Variants in AUTS2 observed in about 807,000 individuals in gnomAD.
AUTS2 encodes activator of transcription and developmental regulator AUTS2.
A neutral mutation model predicts 112.4 loss-of-function variants in AUTS2; 17 were observed. The observed-to-expected ratio is 0.15, with a 90% CI of 0.10 to 0.23. The LOEUF (loss-of-function observed/expected upper bound fraction) is 0.23. Ranked by LOEUF, AUTS2 falls within the 10% of genes least tolerant of loss-of-function variation. The pLI is 1.00. For missense variants in AUTS2, 1,510 were observed against 1,701.6 expected (o/e 0.89, Z 1.98); for synonymous variants, 751 against 702.7 (o/e 1.07, Z -1.09).
chr7:70,413,678 G>GTTTTC (rs1367630973), intron 4 of AUTS2, among the ~76,000 whole-genome samples: 3 of 151,742 alleles, frequency 2.0e-5, no homozygotes, highest in African/African-American at 7.3e-5. Context: ...GTTTTGTTTT[G>GTTTTC]TTTTGTTTTG....
chr7:70,586,834 C>T (rs937104372), intron 5 of AUTS2, among the ~76,000 whole-genome samples: 3 of 152,208 alleles, frequency 2.0e-5, no homozygotes, highest in African/African-American at 7.2e-5. Flanking sequence ...CTTTATTTTA[C>T]TCTTCCTCCA....
At chr7:70,652,906 T>G (rs1806582006) in intron 5 of AUTS2, among the ~76,000 whole-genome samples, 1 of 152,136 alleles carries the variant, frequency 6.6e-6, no homozygotes. Context: ...ACATACTCTT[T>G]CCTGATATCG....
chr7:69,912,694 C>T (rs1375187205), intron 2 of AUTS2, among the ~76,000 whole-genome samples: 4 of 152,146 alleles, frequency 2.6e-5, no homozygotes, highest in South Asian at 2.1e-4. Flanking sequence ...CATCTCTGTC[C>T]TTGAGCCTAC....
At chr7:70,187,236 G>A (rs1276643814) in intron 4 of AUTS2, among the ~76,000 whole-genome samples, 2 of 152,176 alleles carry the variant, frequency 1.3e-5, no homozygotes, top group South Asian at 2.1e-4. Context: ...TCTTACCGTG[G>A]TGGTCACATT....
chr7:70,700,771 T>C (rs1585533170), intron 6 of AUTS2, among the ~76,000 whole-genome samples: 1 of 152,188 alleles, frequency 6.6e-6, no homozygotes, highest in Admixed American at 6.5e-5. Flanking sequence ...TGGTTTTGGG[T>C]CTGTTTTTAC....
At chr7:70,651,977 C>T (rs1449667753) in intron 5 of AUTS2, among the ~76,000 whole-genome samples, 2 of 152,158 alleles carry the variant, frequency 1.3e-5, no homozygotes, top group East Asian at 3.9e-4. Context: ...TTCTATGTGT[C>T]TGTAAGCAGT....
At chr7:70,089,090 C>G (rs1803771461) in intron 2 of AUTS2, among the ~76,000 whole-genome samples, 1 of 152,102 alleles carries the variant, frequency 6.6e-6, no homozygotes, top group African/African-American at 2.4e-5. Flanking sequence ...GCTGAATGTT[C>G]TATAAATGTC....
intron 5 of AUTS2, among the ~76,000 whole-genome samples, chr7:70,650,760 A>G (rs893755009): frequency 3.9e-5 from 6 of 152,320 alleles, no homozygotes; most frequent in East Asian, 1.9e-4. Context: ...TGTCAATTTT[A>G]TCAGATTCAT....
intron 5 of AUTS2, among the ~76,000 whole-genome samples, chr7:70,690,331 A>G (rs573581359): frequency 6.6e-6 from 1 of 152,362 alleles, no homozygotes; most frequent in East Asian, 1.9e-4. Flanking sequence ...GCATGGTGAC[A>G]TCCTTGCCGA....
chr7:70,580,796 G>C (rs1395630040), intron 5 of AUTS2, among the ~76,000 whole-genome samples: 1 of 152,226 alleles, frequency 6.6e-6, no homozygotes, highest in East Asian at 1.9e-4. Flanking sequence ...GTTTTACGTT[G>C]TGTTTAACAG....
rs184723535 is a variant in AUTS2 at position 70,185,644 on chromosome 7, T to C, written c.660+51073T>C. On this transcript the variant is annotated intron_variant, in intron 4 of 18. Transcript: ENST00000342771. The stretch of plus-strand genomic sequence containing the variant: ...AAAATCAGTCAGTCATGAAGCCATT[T>C]CTTTTCATTCTACTTTTGGAGATCA... Among the ~76,000 whole-genome samples, 4 of 152,364 alleles carry C rather than the reference T, an allele frequency of 2.6e-5. No homozygotes were observed. In the East Asian group the frequency reaches 7.7e-4, roughly 29 times the overall value.
chr7:70,430,583 A>C (rs540882448), intron 4 of AUTS2, among the ~76,000 whole-genome samples: 1 of 152,286 alleles, frequency 6.6e-6, no homozygotes, highest in Non-Finnish European at 1.5e-5. Flanking sequence ...GGAATCTTTA[A>C]GGTCTCCCTT....
intron 2 of AUTS2, among the ~76,000 whole-genome samples, chr7:69,977,419 G>T (rs759306953): frequency 6.6e-6 from 1 of 152,078 alleles, no homozygotes; most frequent in Non-Finnish European, 1.5e-5. Context: ...TGGTGATTTG[G>T]AGTCCTTTGA....
chr7:70,478,694 T>C (rs924531067), intron 5 of AUTS2, among the ~76,000 whole-genome samples: 4 of 151,672 alleles, frequency 2.6e-5, no homozygotes, highest in African/African-American at 7.3e-5. Flanking sequence ...CCCTCCAGCA[T>C]AGAGAAGGGC....
chr7:69,734,040 TGCCA>T (rs1352717725), intron 1 of AUTS2, among the ~76,000 whole-genome samples: 2 of 152,202 alleles, frequency 1.3e-5, no homozygotes, highest in African/African-American at 2.4e-5. Context: ...CTGGTAAGAA[TGCCA>T]GCTTCGCTAA....
At chr7:69,765,115 G>C (rs1170306978) in intron 1 of AUTS2, among the ~76,000 whole-genome samples, 1 of 152,144 alleles carries the variant, frequency 6.6e-6, no homozygotes, top group East Asian at 1.9e-4. Flanking sequence ...TTCTGTTTAG[G>C]CCAGTGTTGG....
At chr7:70,126,384 G>C (rs549368149) in intron 3 of AUTS2, among the ~76,000 whole-genome samples, 35 of 152,190 alleles carry the variant, frequency 2.3e-4, no homozygotes, top group Non-Finnish European at 4.4e-4. Context: ...ACTCCAGCCT[G>C]GGTGACAGAG....
chr7:69,826,021 A>T (rs1010750831), intron 1 of AUTS2: 4 of 152,214 alleles, frequency 2.6e-5, no homozygotes, highest in African/African-American at 9.6e-5. Flanking sequence ...CAGTCAAGAG[A>T]ATTAGGGCCT....
At chr7:69,893,519 T>C (rs1479762751) in intron 1 of AUTS2, among the ~76,000 whole-genome samples, 1 of 152,152 alleles carries the variant, frequency 6.6e-6, no homozygotes, top group Non-Finnish European at 1.5e-5. Context: ...CAAAGCACTT[T>C]TTTCTTTTTC....
Sources: gnomAD v4.1 joint callset for allele counts (sites outside exome capture counted in the v4.1 genomes callset) on GRCh38, gnomAD v4.1.1 for gene constraint, MANE v1.5 for transcripts, NCBI Gene and HGNC (gene_info 2026-07-23, HGNC 2026-07-21) for gene names.